Variants in WDPCP observed in about 807,000 individuals in gnomAD.
WDPCP encodes WD repeat containing planar cell polarity effector, also known as WD repeat-containing and planar cell polarity effector protein fritz homolog.
WDPCP carries 71 observed loss-of-function variants against 93.1 expected under a neutral mutation model. That is an observed-to-expected ratio of 0.76 (90% CI 0.63 to 0.93). The LOEUF is 0.93. Among genes scored for constraint, WDPCP ranks in the 40% least tolerant of loss-of-function variants. WDPCP has a pLI of 0.00. For synonymous variants in WDPCP, 315 were observed against 315.0 expected, an observed-to-expected ratio of 1.00 and a Z score of 0.00; for missense variants, 844 against 887.4, an observed-to-expected ratio of 0.95 and a Z score of 0.62.
intron 2 of WDPCP, among the ~76,000 whole-genome samples, chr2:63,667,691 G>T (rs1710299409): frequency 6.6e-6 from 1 of 152,146 alleles, no homozygotes; most frequent in African/African-American, 2.4e-5. Flanking sequence ...GTTGGAGAAT[G>T]CAGAGGAACA....
chr2:63,422,512 G>C (rs1417336237), intron 9 of WDPCP, among the ~76,000 whole-genome samples: 1 of 152,126 alleles, frequency 6.6e-6, no homozygotes, highest in African/African-American at 2.4e-5. Context: ...CCCTATATAA[G>C]TACAACCATT....
At chr2:63,193,295 G>T (rs1294182399) in intron 14 of WDPCP, among the ~76,000 whole-genome samples, 1 of 152,072 alleles carries the variant, frequency 6.6e-6, no homozygotes, top group Non-Finnish European at 1.5e-5. Context: ...GTCTTTAGAA[G>T]ATAGTTACAT....
chr2:63,811,235 CCTCT>C (rs1670858642), intron 2 of WDPCP, among the ~76,000 whole-genome samples: 1 of 152,212 alleles, frequency 6.6e-6, no homozygotes, highest in African/African-American at 2.4e-5. Context: ...GCTATTCATA[CCTCT>C]CTGAGTGTGG....
chr2:63,769,710 A>T (rs1483283070), intron 2 of WDPCP, among the ~76,000 whole-genome samples: 2 of 152,008 alleles, frequency 1.3e-5, no homozygotes, highest in Non-Finnish European at 2.9e-5. Context: ...ATAGTTCTTT[A>T]AAATTTTTCA....
rs70965140 is a variant in WDPCP at position 63,672,712 on chromosome 2, C to CTTTATTTTATTTTAT, written n.309-21889_309-21875dup. Among the ~76,000 whole-genome samples the CTTTATTTTATTTTAT allele has an allele frequency of 6.3e-3, 710 of 113,162 alleles. 16 individuals are homozygous for CTTTATTTTATTTTAT. The highest frequency in any genetic ancestry group is 0.018 in the Middle Eastern group (4 of 222). The allele number at this position is 113,162 out of a possible 152,430, so 74.2% of individuals were successfully genotyped here. A position where few individuals can be genotyped will look rare whatever the true frequency, so the allele number is the denominator to read the frequency against. The stretch of plus-strand genomic sequence containing the variant: ...TAGCATTATCCTGGCTCACTGAAGC[C>CTTTATTTTATTTTAT]TTTATTTTATTTTATTTTATTTTAT... On this transcript the variant is annotated intron_variant and non_coding_transcript_variant, in intron 2 of 4. Transcript: ENST00000467687.
At chr2:63,573,588 C>T (rs1468880451) in intron 1 of WDPCP, among the ~76,000 whole-genome samples, 1 of 152,104 alleles carries the variant, frequency 6.6e-6, no homozygotes, top group East Asian at 1.9e-4. Flanking sequence ...TATGCCGCCT[C>T]AGGACCCTGT....
chr2:63,759,080 C>CAA (rs562659382), intron 2 of WDPCP, among the ~76,000 whole-genome samples: 1 of 142,012 alleles, frequency 7.0e-6, no homozygotes, highest in South Asian at 2.3e-4. Flanking sequence ...CATGCACGGC[C>CAA]AAAAAAAAAA....
At chr2:63,731,053 G>A (rs966250215) in intron 2 of WDPCP, among the ~76,000 whole-genome samples, 2 of 151,950 alleles carry the variant, frequency 1.3e-5, no homozygotes, top group South Asian at 2.1e-4. Context: ...GGCGGATCAC[G>A]AGGTCAGGAG....
At chr2:63,315,187 G>C (rs1051888412) in intron 12 of WDPCP, among the ~76,000 whole-genome samples, 1 of 152,116 alleles carries the variant, frequency 6.6e-6, no homozygotes, top group African/African-American at 2.4e-5. Context: ...TCAGAGTAAG[G>C]ATCACTCAGC....
chr2:63,122,713 G>C (rs928467735), intron 17 of WDPCP, among the ~76,000 whole-genome samples: 1 of 151,988 alleles, frequency 6.6e-6, no homozygotes, highest in African/African-American at 2.4e-5. Flanking sequence ...TAATACAGTG[G>C]GGACAGTTTT....
At chr2:63,581,098 A>C (rs1708467424) in intron 1 of WDPCP, among the ~76,000 whole-genome samples, 1 of 152,192 alleles carries the variant, frequency 6.6e-6, no homozygotes, top group South Asian at 2.1e-4. Flanking sequence ...TGTAAGAGAG[A>C]GCACTTCTCT....
chr2:63,630,463 C>G (rs1449153432), intron 3 of WDPCP, among the ~76,000 whole-genome samples: 1 of 151,550 alleles, frequency 6.6e-6, no homozygotes, highest in East Asian at 1.9e-4. Flanking sequence ...AAACATTAAT[C>G]AAAAAGAAAG....
chr2:63,643,650 AC>A (rs1710010996), intron 3 of WDPCP: 1 of 460,686 alleles, frequency 2.2e-6, no homozygotes, highest in Admixed American at 2.5e-5. Context: ...TTCCTTTTGT[AC>A]CCACAAAGAT....
chr2:63,571,084 T>C (rs1299181707), intron 1 of WDPCP, among the ~76,000 whole-genome samples: 2 of 152,020 alleles, frequency 1.3e-5, no homozygotes, highest in African/African-American at 4.8e-5. Context: ...TTTGGTATTT[T>C]TTTTTTTCAG....
At chr2:63,248,645 C>G (rs1313192345) in intron 14 of WDPCP, among the ~76,000 whole-genome samples, 2 of 152,142 alleles carry the variant, frequency 1.3e-5, no homozygotes, top group Non-Finnish European at 2.9e-5. Context: ...TTCTGGGACT[C>G]CCATAATGTA....
At chr2:63,811,922 G>A (rs1670869017) in intron 2 of WDPCP, among the ~76,000 whole-genome samples, 1 of 152,046 alleles carries the variant, frequency 6.6e-6, no homozygotes, top group Non-Finnish European at 1.5e-5. Flanking sequence ...GGAGTAGAGT[G>A]GCATAATCAA....
intron 1 of WDPCP, among the ~76,000 whole-genome samples, chr2:63,494,896 G>C (rs1415873855): frequency 3.4e-5 from 5 of 147,434 alleles, no homozygotes; most frequent in African/African-American, 1.0e-4. Context: ...CTCCAGCCTG[G>C]GCGACAGAGC....
At chr2:63,646,936 T>C (rs1053095837) in intron 3 of WDPCP, among the ~76,000 whole-genome samples, 6 of 152,184 alleles carry the variant, frequency 3.9e-5, no homozygotes, top group Admixed American at 3.9e-4. Flanking sequence ...TGTACTTGGA[T>C]ATTGAGATCT....
At chr2:63,416,357 A>G (rs1434355476) in intron 9 of WDPCP, among the ~76,000 whole-genome samples, 2 of 148,026 alleles carry the variant, frequency 1.4e-5, no homozygotes, top group African/African-American at 2.5e-5. Context: ...ACACCACCAC[A>G]CCCAGCTAAT....
Sources: gnomAD v4.1 joint callset for allele counts (sites outside exome capture counted in the v4.1 genomes callset) on GRCh38, gnomAD v4.1.1 for gene constraint, MANE v1.5 for transcripts, NCBI Gene and HGNC (gene_info 2026-07-23, HGNC 2026-07-21) for gene names.